TBC1D2B: variants seen among roughly 807,000 people sequenced by gnomAD.
TBC1D2B encodes TBC1 domain family, member 2B.
TBC1D2B carries 64 observed loss-of-function variants against 100.8 expected under a neutral mutation model. That is an observed-to-expected ratio of 0.64 (90% CI 0.52 to 0.78). The LOEUF is 0.78. Ranked by LOEUF, TBC1D2B falls within the 30% of genes least tolerant of loss-of-function variation. The pLI is 0.00. For synonymous variants in TBC1D2B, 480 were observed against 479.7 expected (o/e 1.00, Z -0.01); for missense variants, 1,052 against 1,218.4 (o/e 0.86, Z 2.03).
At chr15:78,042,800 G>A (rs550813180) in intron 3 of TBC1D2B, among the ~76,000 whole-genome samples, 3 of 152,334 alleles carry the variant, frequency 2.0e-5, no homozygotes, top group African/African-American at 4.8e-5. Flanking sequence ...GACTAATGTC[G>A]TATCGTTGAG....
chr15:78,012,939 C>T lies in TBC1D2B; in HGVS notation c.2154G>A (p.Leu718=). 1 of 1,557,836 alleles carries T rather than the reference C, an allele frequency of 6.4e-7. No individual in the cohort carries two copies. Among genetic ancestry groups the T allele is most frequent in the Non-Finnish European group, 8.7e-7 (1 of 1,149,342 alleles). ...KQIELDLLRT[L]PNNKHYSCPT... ...GGCAGGAGTAATGTTTGTTGTTGGG[C>T]AGAGTTCGCAGCAAGTCCAGCTCAA... Residue 718 remains leucine (L), a synonymous_variant, in exon 9 of 13, where the codon CTG becomes CTA. Transcript: ENST00000300584.
intron 1 of TBC1D2B, 97 bp from the exon 2 acceptor site, chr15:78,054,284 G>T: frequency 7.9e-7 from 1 of 1,258,834 alleles, no homozygotes; most frequent in Admixed American, 3.3e-5. Flanking sequence ...AGCTTGCCAT[G>T]TGAGAGTTAA....
chr15:78,051,773 A>G (rs1353682378), intron 2 of TBC1D2B, among the ~76,000 whole-genome samples: 1 of 152,252 alleles, frequency 6.6e-6, no homozygotes, highest in Non-Finnish European at 1.5e-5. Flanking sequence ...TTCACAGAGC[A>G]CTGCCATATA....
intron 3 of TBC1D2B, among the ~76,000 whole-genome samples, chr15:78,043,537 C>T (rs558362134): frequency 6.6e-6 from 1 of 152,124 alleles, no homozygotes; most frequent in South Asian, 2.1e-4. Flanking sequence ...TAATTGGGAC[C>T]GCAGGCATGC....
intron 3 of TBC1D2B, among the ~76,000 whole-genome samples, chr15:78,040,637 A>C (rs553270930): frequency 2.4e-5 from 2 of 82,010 alleles, no homozygotes; most frequent in African/African-American, 7.7e-5. Flanking sequence ...AGAAAGAAAA[A>C]GAAAGAAAGG....
rs1028236853 is a variant in TBC1D2B, at chr15:77,997,907, T to C, written c.*253A>G. Reference sequence around the variant, plus strand: ...AAATAGCCACTGGTAAGCCTGAGGATCCACCAACCAGGCAGAAAGCGTGAC... The same window carrying C: ...AAATAGCCACTGGTAAGCCTGAGGACCCACCAACCAGGCAGAAAGCGTGAC... On this transcript the variant is annotated 3_prime_UTR_variant, in exon 13 of 13. Transcript: ENST00000300584. 36 of 357,746 alleles carry C rather than the reference T, an allele frequency of 1.0e-4. No individual in the cohort carries two copies. The highest frequency in any genetic ancestry group is 4.6e-4 in the African/African-American group (22 of 47,438). The allele number at this position is 357,746 out of a possible 1,614,324, so 22.2% of individuals were successfully genotyped here. A position where few individuals can be genotyped will look rare whatever the true frequency, so the allele number is the denominator to read the frequency against.
chr15:78,029,157 C>T (rs756019818), intron 4 of TBC1D2B, among the ~76,000 whole-genome samples: 9 of 151,686 alleles, frequency 5.9e-5, no homozygotes, highest in Non-Finnish European at 1.0e-4. Context: ...CCCAGGTTCA[C>T]GCCATTCTCC....
intron 9 of TBC1D2B, among the ~76,000 whole-genome samples, chr15:78,010,672 A>G (rs912119238): frequency 1.2e-4 from 19 of 152,076 alleles, no homozygotes; most frequent in Non-Finnish European, 2.6e-4. Flanking sequence ...AGAGAGTCTG[A>G]AAGCGACAGA....
intron 12 of TBC1D2B, among the ~76,000 whole-genome samples, chr15:78,000,338 G>GA (rs2071879174): frequency 6.6e-6 from 1 of 152,232 alleles, no homozygotes; most frequent in African/African-American, 2.4e-5. Flanking sequence ...CGCTCCTCCT[G>GA]GCAGCGCCTG....
At chr15:78,064,755 G>GAAA (rs34249742) in intron 1 of TBC1D2B, among the ~76,000 whole-genome samples, 7 of 150,028 alleles carry the variant, frequency 4.7e-5, no homozygotes, top group Non-Finnish European at 8.9e-5. Flanking sequence ...AGCACCAATG[G>GAAA]AAAAAAAAAA....
chr15:78,057,156 G>A (rs937956374), intron 1 of TBC1D2B, among the ~76,000 whole-genome samples: 6 of 152,134 alleles, frequency 3.9e-5, no homozygotes, highest in Admixed American at 6.5e-5. Flanking sequence ...AGTATTAAAT[G>A]TAACTGGGAA....
intron 2 of TBC1D2B, among the ~76,000 whole-genome samples, chr15:78,047,154 G>C (rs1049112191): frequency 1.3e-4 from 20 of 151,236 alleles, no homozygotes; most frequent in African/African-American, 4.6e-4. Context: ...CTTGGTAACA[G>C]AGTATACACT....
intron 1 of TBC1D2B, among the ~76,000 whole-genome samples, chr15:78,056,283 G>T (rs2073420114): frequency 6.6e-6 from 1 of 152,236 alleles, no homozygotes; most frequent in African/African-American, 2.4e-5. Context: ...CAGAGAGCAG[G>T]AGTGAGGTGA....
intron 3 of TBC1D2B, among the ~76,000 whole-genome samples, chr15:78,036,535 A>G (rs2072950360): frequency 6.6e-6 from 1 of 152,198 alleles, no homozygotes. Context: ...CAATGTGGCC[A>G]AGGAAGCAGT....
chr15:78,057,194 CACTA>C (rs1172159237), intron 1 of TBC1D2B, among the ~76,000 whole-genome samples: 1 of 151,402 alleles, frequency 6.6e-6, no homozygotes, highest in African/African-American at 2.5e-5. Context: ...AGTCATCTCT[CACTA>C]AATTCCTGAG....
Position 78,024,508 on chromosome 15 carries a change from C to T in TBC1D2B, c.1118G>A (p.Arg373Gln). 1.9e-6 allele frequency: 3 copies of T among 1,613,380 alleles called. No individual in the cohort carries two copies. The highest frequency in any genetic ancestry group is 2.2e-5 in the East Asian group (1 of 44,874). ...ELVRLLQQTV[R>Q]SSQYDKYFTS... ...GAAATACTTGTCATACTGGGATGAC[C>T]GGACTGTCTGCTGGAGCAGTCGAAC... is the stretch of plus-strand genomic sequence containing the variant. Residue 373 changes from arginine (R) to glutamine (Q), a missense_variant, in exon 6 of 13, where the codon CGG becomes CAG. By Grantham distance (43) the Arg-to-Gln change is conservative. Coordinates refer to ENST00000300584, the MANE Select transcript of TBC1D2B (RefSeq NM_144572.2).
chr15:78,066,198 A>G (rs1376076678), intron 1 of TBC1D2B: 1 of 399,456 alleles, frequency 2.5e-6, no homozygotes, highest in East Asian at 7.4e-5. Context: ...CTTGGGGCCA[A>G]TGGAGAATTG....
intron 3 of TBC1D2B, among the ~76,000 whole-genome samples, chr15:78,034,114 C>G (rs960902030): frequency 2.6e-5 from 4 of 152,180 alleles, no homozygotes; most frequent in Non-Finnish European, 4.4e-5. Flanking sequence ...TCTTCTAGAG[C>G]CTGGCACTGT....
At chr15:78,030,261 T>A in intron 3 of TBC1D2B, 91 bp from the exon 4 acceptor site, 1 of 1,085,996 alleles carries the variant, frequency 9.2e-7, no homozygotes, top group Non-Finnish European at 1.3e-6. Flanking sequence ...AATTTAAATA[T>A]CTAATGATAC....
Sources: allele counts gnomAD v4.1 joint callset (sites outside exome capture counted in the v4.1 genomes callset), GRCh38; gene constraint gnomAD v4.1.1; transcripts MANE v1.5; gene names NCBI Gene and HGNC (gene_info 2026-07-23, HGNC 2026-07-21).